The following CINP variants were observed in gnomAD, a reference collection of about 807,000 sequenced individuals.
CINP encodes the protein cyclin-dependent kinase 2-interacting protein.
Under a neutral mutation model 20.5 loss-of-function variants are expected in CINP, and 11 were observed. That is an observed-to-expected ratio of 0.54 (90% CI 0.34 to 0.89). The LOEUF (loss-of-function observed/expected upper bound fraction) is 0.89. CINP is among the 40% of genes least tolerant of loss of function. The probability of loss-of-function intolerance (pLI) is 0.02; values close to 1 mark genes in which losing one functional copy is unlikely to be tolerated. For missense variants in CINP, 213 were observed against 251.0 expected (o/e 0.85, Z 1.02); for synonymous variants, 108 against 102.1 (o/e 1.06, Z -0.35).
chr14:102,353,352 C>T (rs964725487), intron 3 of CINP, among the ~76,000 whole-genome samples: 2 of 152,090 alleles, frequency 1.3e-5, no homozygotes, highest in African/African-American at 4.8e-5. Context: ...AAACACTGCC[C>T]AGCCAGGTGA....
Position 102,348,423 on chromosome 14 carries a change from G to A in CINP, c.*134C>T, listed in dbSNP as rs1215198363. On this transcript the variant is annotated 3_prime_UTR_variant, in exon 5 of 5. Coordinates refer to ENST00000216756, the MANE Select transcript of CINP (RefSeq NM_032630.3). The stretch of plus-strand genomic sequence containing the variant: ...GCACGCCTGGAGAGGCCATGGGGCT[G>A]GTGACAAGCTCTGGCCAGAAGACCC... 3 of 782,294 alleles carry A rather than the reference G, an allele frequency of 3.8e-6. No homozygotes were observed. The highest frequency in any genetic ancestry group is 5.9e-6 in the Non-Finnish European group (3 of 505,254). The allele number at this position is 782,294 out of a possible 1,614,324, so 48.5% of individuals were successfully genotyped here.
intron 3 of CINP, among the ~76,000 whole-genome samples, chr14:102,350,395 TTC>T (rs1337734018): frequency 4.0e-5 from 6 of 151,662 alleles, no homozygotes; most frequent in African/African-American, 1.5e-4. Flanking sequence ...TTTTTTTTTT[TTC>T]TTTTTTTTTT....
intron 3 of CINP, among the ~76,000 whole-genome samples, chr14:102,353,318 C>CAACG (rs1026922346): frequency 6.6e-6 from 1 of 152,118 alleles, no homozygotes; most frequent in African/African-American, 2.4e-5. Context: ...GGAGAAAGAG[C>CAACG]AACGTCACAG....
intron 4 of CINP, 46 bp from the exon 5 acceptor site, chr14:102,348,805 T>C (rs935048317): frequency 6.5e-7 from 1 of 1,546,632 alleles, no homozygotes; most frequent in Non-Finnish European, 8.8e-7. Flanking sequence ...TTCAAGAACA[T>C]AGTGTCGACT....
chr14:102,352,678 A>C (rs373294551), intron 3 of CINP: 52 of 399,262 alleles, frequency 1.3e-4, no homozygotes, highest in African/African-American at 9.0e-4. Context: ...CTTTTTTTTG[A>C]CACGGAGTCT....
intron 3 of CINP, among the ~76,000 whole-genome samples, chr14:102,352,897 C>T (rs1023233269): frequency 6.6e-6 from 1 of 151,954 alleles, no homozygotes; most frequent in Non-Finnish European, 1.5e-5. Flanking sequence ...GATCCACCTG[C>T]CTCGGCCTCC....
intron 4 of CINP, 147 bp from the exon 5 acceptor site, chr14:102,348,906 C>G (rs887195843): frequency 1.5e-6 from 1 of 680,094 alleles, no homozygotes. Flanking sequence ...GTTTACTACT[C>G]TAGCTGGTGC....
chr14:102,361,676 TA>T (rs1887162788), intron 1 of CINP, among the ~76,000 whole-genome samples: 1 of 149,112 alleles, frequency 6.7e-6, no homozygotes, highest in Non-Finnish European at 1.5e-5. Context: ...CAAAACAAAA[TA>T]AAAAAATGAA....
At chr14:102,356,051 TATTA>T (rs1886992521) in intron 2 of CINP, among the ~76,000 whole-genome samples, 154 bp from the exon 3 acceptor site, 2 of 152,230 alleles carry the variant, frequency 1.3e-5, no homozygotes, top group Admixed American at 1.3e-4. Flanking sequence ...CAAATGCAGT[TATTA>T]TTTATATGTG....
At position 102,355,880 on chromosome 14, in the gene CINP, T is replaced by A; in HGVS notation, c.194A>T (p.Glu65Val). The change falls in exon 3 of 5, where the codon GAA becomes GTA. Residue 65 changes from glutamate (E) to valine (V), a missense_variant. Coordinates refer to ENST00000216756, the MANE Select transcript of CINP (RefSeq NM_032630.3). ...CGAGGCTGGGCTGCTGCTGTCTAGT[T>A]CTATCTTGTCTTTATTCCTAAACAA... ...KISLLNKDKI[E>V]LDSSSPASKE... 1 of 1,614,166 alleles carries A rather than the reference T, an allele frequency of 6.2e-7. No homozygotes were observed. The highest frequency in any genetic ancestry group is 1.3e-5 in the African/African-American group (1 of 75,056).
At chr14:102,350,229 G>A (rs1886837166) in intron 3 of CINP, among the ~76,000 whole-genome samples, 181 bp from the exon 4 acceptor site, 1 of 152,150 alleles carries the variant, frequency 6.6e-6, no homozygotes, top group Non-Finnish European at 1.5e-5. Context: ...CAGTTGCTAT[G>A]ATTTCATTAA....
Position 102,351,296 on chromosome 14 carries a change from A to G in CINP, c.307-1248T>C, listed in dbSNP as rs1370353263. 6.6e-6 allele frequency among the ~76,000 whole-genome samples: 1 copy of G among 152,192 alleles called. No individual in the cohort carries two copies. The highest frequency in any genetic ancestry group is 1.5e-5 in the Non-Finnish European group (1 of 68,034). On this transcript the variant is annotated intron_variant, in intron 3 of 4. Coordinates refer to ENST00000216756, the MANE Select transcript of CINP (RefSeq NM_032630.3). The surrounding 1 kb of genome is among the most constrained non-coding windows in gnomAD (Gnocchi z 4.2). ...ACCAGGCTCTGTCCTAAGCCCTGTA[A>G]CTGCATGATGTGTATGGCTACTTGT...
chr14:102,352,401 TA>T, intron 3 of CINP: 1 of 436,594 alleles, frequency 2.3e-6, no homozygotes, highest in South Asian at 1.6e-5. Context: ...GAACAGTGCA[TA>T]AACAGCAGGC....
intron 3 of CINP, among the ~76,000 whole-genome samples, chr14:102,354,203 T>C (rs928370347): frequency 1.3e-5 from 2 of 152,230 alleles, no homozygotes; most frequent in African/African-American, 4.8e-5. Flanking sequence ...GGTGTTATCT[T>C]CACATCTGGT....
chr14:102,359,224 CTAAATATATATATA>C (rs1192733421), intron 2 of CINP, among the ~76,000 whole-genome samples, 181 bp downstream of exon 2: 2 of 51,156 alleles, frequency 3.9e-5, no homozygotes, highest in South Asian at 5.9e-4. Flanking sequence ...AAATAAATAA[CTAAATATATATATA>C]TATATATATA....
chr14:102,357,243 G>A (rs888102580), intron 2 of CINP, among the ~76,000 whole-genome samples: 7 of 152,036 alleles, frequency 4.6e-5, no homozygotes, highest in Non-Finnish European at 1.0e-4. Context: ...TTAGCTGGGC[G>A]TGGCGGTGTG....
chr14:102,350,502 G>A (rs1443664118), intron 3 of CINP, among the ~76,000 whole-genome samples: 2 of 151,450 alleles, frequency 1.3e-5, no homozygotes, highest in African/African-American at 2.4e-5. Context: ...TCACAGGTGT[G>A]CACCACCACA....
chr14:102,356,411 G>A (rs1886998546), intron 2 of CINP, among the ~76,000 whole-genome samples: 1 of 149,484 alleles, frequency 6.7e-6, no homozygotes, highest in Admixed American at 6.7e-5. Flanking sequence ...GAGCAAGACT[G>A]TCTCAAAAAA....
At position 102,348,406 on chromosome 14, in the gene CINP, G is replaced by C; in HGVS notation, c.*151C>G. On this transcript the variant is annotated 3_prime_UTR_variant, in exon 5 of 5. Transcript: ENST00000216756. The stretch of plus-strand genomic sequence containing the variant: ...GCGGGTTGTGGGCATGAGCACGCCT[G>C]GAGAGGCCATGGGGCTGGTGACAAG... 1.4e-6 allele frequency: 1 copy of C among 696,958 alleles called. No individual in the cohort carries two copies. The highest frequency in any genetic ancestry group is 2.4e-6 in the Non-Finnish European group (1 of 424,242). The allele number at this position is 696,958 out of a possible 1,614,324, so 43.2% of individuals were successfully genotyped here.
Sources: allele counts gnomAD v4.1 joint callset (sites outside exome capture counted in the v4.1 genomes callset), GRCh38; gene constraint gnomAD v4.1.1; non-coding constraint Gnocchi (gnomAD v3.1); transcripts MANE v1.5; gene names NCBI Gene and HGNC (gene_info 2026-07-23, HGNC 2026-07-21).